The following RARB variants were observed in gnomAD, a reference collection of about 807,000 sequenced individuals.
The protein encoded by RARB is HBV-activated protein.
A neutral mutation model predicts 51.9 loss-of-function variants in RARB; 17 were observed. That is an observed-to-expected ratio of 0.33 (90% CI 0.22 to 0.49). RARB has a LOEUF of 0.49. Among genes scored for constraint, RARB ranks in the 20% least tolerant of loss-of-function variants. The pLI, the probability that RARB is intolerant of heterozygous loss-of-function variation, is 0.99. For synonymous variants in RARB, 215 were observed against 195.4 expected (o/e 1.10, Z -0.84); for missense variants, 369 against 550.8 (o/e 0.67, Z 3.30).
intron 1 of RARB, among the ~76,000 whole-genome samples, chr3:25,455,519 A>G (rs1459736707): frequency 6.6e-6 from 1 of 152,122 alleles, no homozygotes; most frequent in Non-Finnish European, 1.5e-5. Flanking sequence ...TTCCTTAGTG[A>G]TAGTTATCTG....
At chr3:25,237,104 C>T (rs1702319259) in intron 5 of RARB, among the ~76,000 whole-genome samples, 1 of 150,282 alleles carries the variant, frequency 6.7e-6, no homozygotes, top group African/African-American at 2.5e-5. Context: ...TAAAGGTCTC[C>T]TTTTATCTGA....
At chr3:25,106,338 C>T (rs1236385238) in intron 3 of RARB, among the ~76,000 whole-genome samples, 2 of 152,010 alleles carry the variant, frequency 1.3e-5, no homozygotes, top group Admixed American at 1.3e-4. Context: ...TGCAGTGGTG[C>T]AATTGCAGCT....
intron 2 of RARB, among the ~76,000 whole-genome samples, chr3:24,912,001 G>T (rs1694997991): frequency 1.3e-5 from 2 of 152,204 alleles, no homozygotes; most frequent in African/African-American, 4.8e-5. Flanking sequence ...CTCCAGACGT[G>T]CAATGATAAA....
intron 3 of RARB, among the ~76,000 whole-genome samples, chr3:25,519,692 TATC>T (rs1187702514): frequency 3.9e-5 from 6 of 152,172 alleles, no homozygotes; most frequent in Middle Eastern, 3.2e-3. Flanking sequence ...TTTTATCACT[TATC>T]ATTTTAGTGC....
chr3:24,932,345 C>T (rs1225494197), intron 2 of RARB, among the ~76,000 whole-genome samples: 1 of 152,056 alleles, frequency 6.6e-6, no homozygotes, highest in Non-Finnish European at 1.5e-5. Flanking sequence ...CTGGGAAAAT[C>T]TGGTACTATG....
chr3:24,922,552 A>G (rs1258530932), intron 2 of RARB, among the ~76,000 whole-genome samples: 2 of 152,182 alleles, frequency 1.3e-5, no homozygotes, highest in Non-Finnish European at 2.9e-5. Context: ...ATCCTGTCAA[A>G]AGTCACACAC....
intron 5 of RARB, among the ~76,000 whole-genome samples, chr3:25,223,270 T>G (rs1701985320): frequency 6.6e-6 from 1 of 152,228 alleles, no homozygotes; most frequent in Non-Finnish European, 1.5e-5. Flanking sequence ...GTCTTTTGAC[T>G]TCTTTCATAT....
intron 2 of RARB, among the ~76,000 whole-genome samples, chr3:24,955,736 G>T (rs1559410557): frequency 6.6e-6 from 1 of 152,058 alleles, no homozygotes; most frequent in South Asian, 2.1e-4. Flanking sequence ...TTTTTTTCGG[G>T]AGCAATAAGT....
intron 2 of RARB, among the ~76,000 whole-genome samples, chr3:25,016,816 C>G (rs1207198495): frequency 6.6e-6 from 1 of 152,054 alleles, no homozygotes; most frequent in Non-Finnish European, 1.5e-5. Context: ...TGTGCCCTCT[C>G]CACTCTTCTT....
intron 3 of RARB, among the ~76,000 whole-genome samples, chr3:25,537,301 T>C (rs942849196): frequency 6.6e-6 from 1 of 152,236 alleles, no homozygotes; most frequent in Admixed American, 6.5e-5. Flanking sequence ...TTGAGTAATG[T>C]GAGCTTATGT....
chr3:25,360,452 T>C (rs1242162577), intron 5 of RARB, among the ~76,000 whole-genome samples: 2 of 152,212 alleles, frequency 1.3e-5, no homozygotes, highest in African/African-American at 4.8e-5. Context: ...TGTCTTTTAA[T>C]TGGGGCATTT....
chr3:24,950,412 T>C (rs1202068642), intron 2 of RARB, among the ~76,000 whole-genome samples: 1 of 152,234 alleles, frequency 6.6e-6, no homozygotes, highest in East Asian at 1.9e-4. Context: ...TTCTAAGTAA[T>C]AATAATCTCC....
rs58136298 is a variant in RARB, at chr3:25,072,057, T to C, written c.-328+11881T>C. Among the ~76,000 whole-genome samples, 1,393 of 152,322 alleles carry C rather than the reference T, an allele frequency of 9.1e-3. 18 individuals are homozygous for C. The highest frequency in any genetic ancestry group is 0.032 in the African/African-American group (1,322 of 41,572). ...TGTCTTTGCCCTGTGGCGGTTCTTA[T>C]CTTGAAGGATTCTCGTTTCTGTGTT... On this transcript the variant is annotated intron_variant, in intron 3 of 11. Transcript: ENST00000383772.
At chr3:25,382,773 G>C (rs749968281) in intron 5 of RARB, among the ~76,000 whole-genome samples, 1 of 152,134 alleles carries the variant, frequency 6.6e-6, no homozygotes, top group Non-Finnish European at 1.5e-5. Context: ...CAGGAGAATT[G>C]TTTGAACCCT....
At chr3:24,947,439 G>A (rs561716348) in intron 2 of RARB, among the ~76,000 whole-genome samples, 1 of 152,306 alleles carries the variant, frequency 6.6e-6, no homozygotes, top group South Asian at 2.1e-4. Context: ...GTGTTCAGAG[G>A]AGTGTTGTTT....
intron 5 of RARB, among the ~76,000 whole-genome samples, chr3:25,268,211 A>G (rs1281783282): frequency 6.6e-6 from 1 of 152,166 alleles, no homozygotes; most frequent in Non-Finnish European, 1.5e-5. Flanking sequence ...TTTGGTGACT[A>G]CCACTGATAC....
At chr3:25,477,699 T>C (rs1696023447) in intron 2 of RARB, among the ~76,000 whole-genome samples, 1 of 152,176 alleles carries the variant, frequency 6.6e-6, no homozygotes, top group Non-Finnish European at 1.5e-5. Flanking sequence ...GAGGTAAATA[T>C]TGTATATGGT....
At chr3:25,039,917 G>A (rs115907915) in intron 2 of RARB, among the ~76,000 whole-genome samples, 54 of 152,326 alleles carry the variant, frequency 3.5e-4, no homozygotes, top group African/African-American at 1.3e-3. Context: ...AAATTGTCTT[G>A]TGGGTTGGGA....
At chr3:25,516,472 G>A (rs1698166094) in intron 3 of RARB, among the ~76,000 whole-genome samples, 1 of 151,990 alleles carries the variant, frequency 6.6e-6, no homozygotes, top group African/African-American at 2.4e-5. Context: ...ATTCATTAAA[G>A]GGAACTGGGA....
Sources: gnomAD v4.1 joint callset for allele counts (sites outside exome capture counted in the v4.1 genomes callset) on GRCh38, gnomAD v4.1.1 for gene constraint, MANE v1.5 for transcripts, NCBI Gene and HGNC (gene_info 2026-07-23, HGNC 2026-07-21) for gene names.